The following DPP6 variants were observed in gnomAD, a reference collection of about 807,000 sequenced individuals.
DPP6 encodes dipeptidyl peptidase like 6.
In DPP6, 69 loss-of-function variants were observed where a neutral mutation model predicts 122.6. The ratio of observed to expected loss-of-function variants is 0.56; its 90% CI spans 0.46 to 0.69. The LOEUF (loss-of-function observed/expected upper bound fraction) is 0.69. Ranked by LOEUF, DPP6 falls within the 30% of genes least tolerant of loss-of-function variation. DPP6 has a pLI of 0.00. For synonymous variants in DPP6, 418 were observed against 433.1 expected, an observed-to-expected ratio of 0.97 and a Z score of 0.43; for missense variants, 928 against 1,116.9, an observed-to-expected ratio of 0.83 and a Z score of 2.41.
chr7:154,790,193 G>A (rs985953505), intron 10 of DPP6, among the ~76,000 whole-genome samples: 8 of 152,122 alleles, frequency 5.3e-5, no homozygotes, highest in Admixed American at 2.0e-4. Flanking sequence ...GCGAGACTCC[G>A]TCTAAAAAAC....
intron 1 of DPP6, among the ~76,000 whole-genome samples, chr7:154,125,848 C>T (rs1022780173): frequency 1.3e-5 from 2 of 152,204 alleles, no homozygotes; most frequent in Non-Finnish European, 2.9e-5. Flanking sequence ...CCCTCGGTTG[C>T]CTCCTGACAC....
chr7:154,487,976 G>C (rs1429453152), intron 3 of DPP6, among the ~76,000 whole-genome samples: 1 of 152,104 alleles, frequency 6.6e-6, no homozygotes, highest in African/African-American at 2.4e-5. Context: ...AAACATCTTG[G>C]GGGTCACAGG....
In DPP6 at chr7:154,505,809, C is replaced by T. The variant is rs138120958; in HGVS notation, c.457+30772C>T. Among the ~76,000 whole-genome samples, 972 of 152,274 alleles carry T rather than the reference C, an allele frequency of 6.4e-3. 3 individuals are homozygous for T. Among genetic ancestry groups the T allele is most frequent in the Non-Finnish European group, 7.7e-3 (524 of 68,006 alleles). On this transcript the variant is annotated intron_variant, in intron 3 of 25. Coordinates refer to ENST00000377770, the MANE Select transcript of DPP6 (RefSeq NM_130797.4). ...AAAGTCGTACTTGTCATTTTCTCTACTGTAACTACATTTTTTTACCCCTCT... is the reference window on the plus strand; with the variant it reads ...AAAGTCGTACTTGTCATTTTCTCTATTGTAACTACATTTTTTTACCCCTCT...
At chr7:154,853,710 T>TTTTCC (rs2150578847) in intron 16 of DPP6, 70 bp from the exon 17 acceptor site, 1 of 1,484,502 alleles carries the variant, frequency 6.7e-7, no homozygotes, top group Admixed American at 2.3e-5. Context: ...GAAAAGCCTG[T>TTTTCC]TTTCTTGTTC....
chr7:153,911,514 G>C (rs1268642310), intron 1 of DPP6, among the ~76,000 whole-genome samples: 1 of 152,162 alleles, frequency 6.6e-6, no homozygotes, highest in Non-Finnish European at 1.5e-5. Flanking sequence ...ATTAATGTGG[G>C]GGAGGAGTTG....
At chr7:154,444,857 T>TG (rs1191592514) in intron 1 of DPP6, among the ~76,000 whole-genome samples, 1 of 152,250 alleles carries the variant, frequency 6.6e-6, no homozygotes, top group Non-Finnish European at 1.5e-5. Flanking sequence ...TGTAACTTTC[T>TG]GTAGCTGTTT....
At chr7:154,059,973 A>T (rs1158944402) in intron 1 of DPP6, among the ~76,000 whole-genome samples, 1 of 152,044 alleles carries the variant, frequency 6.6e-6, no homozygotes, top group East Asian at 1.9e-4. Context: ...GCTGAGATCC[A>T]TCCCCTCTTC....
intron 1 of DPP6, among the ~76,000 whole-genome samples, chr7:154,180,185 TA>T (rs1454592467): frequency 6.6e-6 from 1 of 151,798 alleles, no homozygotes; most frequent in African/African-American, 2.4e-5. Flanking sequence ...TCGTCTCTAC[TA>T]AAAACACAAA....
the DPP6 span, among the ~76,000 whole-genome samples, chr7:153,769,876 C>T: frequency 1.3e-5 from 2 of 152,064 alleles, no homozygotes; most frequent in East Asian, 1.9e-4. Flanking sequence ...CGTCAATAGG[C>T]AGGACTCAGC....
intron 6 of DPP6, among the ~76,000 whole-genome samples, chr7:154,668,668 A>G (rs111313843): frequency 1.3e-5 from 2 of 152,332 alleles, no homozygotes; most frequent in African/African-American, 4.8e-5. Context: ...AGACAGCAGT[A>G]GCTACAAAAT....
the DPP6 span, among the ~76,000 whole-genome samples, chr7:153,875,539 T>G: frequency 6.6e-6 from 1 of 152,042 alleles, no homozygotes; most frequent in Non-Finnish European, 1.5e-5. Context: ...CTTTGTTAAA[T>G]AATATTTGAT....
intron 2 of DPP6, among the ~76,000 whole-genome samples, chr7:154,467,619 T>A (rs1463974756): frequency 6.6e-6 from 1 of 152,218 alleles, no homozygotes; most frequent in Non-Finnish European, 1.5e-5. Flanking sequence ...CAGTCTCAGG[T>A]AGTTCTTTAC....
chr7:154,123,922 T>TG (rs1807688153), intron 1 of DPP6, among the ~76,000 whole-genome samples: 1 of 151,700 alleles, frequency 6.6e-6, no homozygotes, highest in Non-Finnish European at 1.5e-5. Flanking sequence ...GGGACAGACA[T>TG]GCTGCCCATG....
chr7:154,192,570 T>C (rs1000417135), intron 1 of DPP6, among the ~76,000 whole-genome samples: 4 of 152,360 alleles, frequency 2.6e-5, no homozygotes, highest in African/African-American at 9.6e-5. Flanking sequence ...AAGACAGGGA[T>C]AAAGTACTCT....
chr7:154,803,537 G>T (rs1798505793), intron 13 of DPP6, among the ~76,000 whole-genome samples: 1 of 152,106 alleles, frequency 6.6e-6, no homozygotes, highest in South Asian at 2.1e-4. Context: ...AATGAAAAAG[G>T]CCTATAAAGC....
At chr7:154,085,013 A>AAAAGG (rs1804303386) in intron 1 of DPP6, among the ~76,000 whole-genome samples, 1 of 148,448 alleles carries the variant, frequency 6.7e-6, no homozygotes, top group Non-Finnish European at 1.5e-5. Flanking sequence ...AAAAAAAAAC[A>AAAAGG]GGTGCCTTTA....
At position 154,779,593 on chromosome 7, in the gene DPP6, G is replaced by A. The variant is rs146835670; in HGVS notation, c.1136+6651G>A. 1.7e-3 allele frequency among the ~76,000 whole-genome samples: 263 copies of A among 152,318 alleles called. 1 individual carries two copies. The highest frequency in any genetic ancestry group is 6.0e-3 in the African/African-American group (249 of 41,570). On this transcript the variant is annotated intron_variant, in intron 10 of 25. Coordinates refer to ENST00000377770, the MANE Select transcript of DPP6 (RefSeq NM_130797.4). ...CTCAGCATTGTTTAAGAGCTGTCAC[G>A]CCTACTGTATTTCCCTTTGTGCTTG...
intron 1 of DPP6, among the ~76,000 whole-genome samples, chr7:153,933,212 A>G (rs1457619002): frequency 6.6e-6 from 1 of 152,180 alleles, no homozygotes; most frequent in Non-Finnish European, 1.5e-5. Context: ...TCAACGGTAA[A>G]CAAGATTTTT....
chr7:153,995,873 ACTTAGGC>A (rs1797407156), intron 1 of DPP6, among the ~76,000 whole-genome samples: 1 of 152,194 alleles, frequency 6.6e-6, no homozygotes, highest in Non-Finnish European at 1.5e-5. Context: ...TCGTTGACAG[ACTTAGGC>A]CACAGTGATC....
Sources: gnomAD v4.1 joint callset for allele counts (sites outside exome capture counted in the v4.1 genomes callset) on GRCh38, gnomAD v4.1.1 for gene constraint, MANE v1.5 for transcripts, NCBI Gene and HGNC (gene_info 2026-07-23, HGNC 2026-07-21) for gene names.